FAT4: variants seen among roughly 807,000 people sequenced by gnomAD.
FAT4 encodes protocadherin Fat 4.
FAT4 carries 84 observed loss-of-function variants against 303.9 expected under a neutral mutation model. The observed-to-expected ratio is 0.28, with a 90% CI of 0.23 to 0.33. FAT4 has a LOEUF of 0.33. FAT4 is among the 10% of genes least tolerant of loss of function. The pLI is 1.00. For synonymous variants in FAT4, 2,307 were observed against 2,298.8 expected, an observed-to-expected ratio of 1.00 and a Z score of -0.10; for missense variants, 6,005 against 6,146.8, an observed-to-expected ratio of 0.98 and a Z score of 0.77.
Position 125,415,437 on chromosome 4 carries a change from G to C in FAT4, c.6474G>C (p.Leu2158Phe), listed in dbSNP as rs1405662703. ...ACAACCCCATCTTTGCACAAGCTTT[G>C]TATAAAGTGGAGATTAATGAAAACA... ...NDNNPIFAQA[L>F]YKVEINENTL... Residue 2158 changes from leucine to phenylalanine, a missense_variant, in exon 6 of 18, where the codon TTG (leucine) becomes TTC (phenylalanine). Physicochemically the swap from Leu to Phe is conservative, Grantham distance 22 (BLOSUM62 0). Transcript: ENST00000394329. 1 of 1,613,988 alleles carries C rather than the reference G, an allele frequency of 6.2e-7. No individual in the cohort carries two copies. The highest frequency in any genetic ancestry group is 8.5e-7 in the Non-Finnish European group (1 of 1,180,002).
intron 7 of FAT4, among the ~76,000 whole-genome samples, chr4:125,419,384 A>G (rs952817129): frequency 1.2e-4 from 18 of 152,272 alleles, no homozygotes; most frequent in African/African-American, 4.3e-4. Context: ...ATTCATTAAC[A>G]AGGAGACTCA....
At chr4:125,348,364 A>G (rs1419558085) in intron 2 of FAT4, among the ~76,000 whole-genome samples, 2 of 151,824 alleles carry the variant, frequency 1.3e-5, no homozygotes, top group Admixed American at 6.6e-5. Flanking sequence ...ATGAAGAACA[A>G]TGAAGTTTTT....
Position 125,450,595 on chromosome 4 carries a change from A to T in FAT4, c.9585A>T (p.Val3195=). 2 of 1,614,100 alleles carry T rather than the reference A, an allele frequency of 1.2e-6. No individual in the cohort carries two copies. Among genetic ancestry groups the T allele is most frequent in the Non-Finnish European group, 1.7e-6 (2 of 1,180,006 alleles). ...TTGATGTGAATGATAATTCTCCAGT[A>T]TTCCTCTCTGATGACTATTTCCCTA... is the stretch of plus-strand genomic sequence containing the variant. ...NVIDVNDNSP[V]FLSDDYFPTV... The change falls in exon 10 of 18, where the codon GTA becomes GTT. Residue 3195 remains valine, a synonymous_variant. Transcript: ENST00000394329.
chr4:125,491,551 C>G lies in FAT4; in HGVS notation c.14735C>G (p.Pro4912Arg), dbSNP rs1390638187. 6.2e-7 allele frequency: 1 copy of G among 1,614,186 alleles called. No homozygotes were observed. Among genetic ancestry groups the G allele is most frequent in the Admixed American group, 1.7e-5 (1 of 60,018 alleles). ...GGPVGTQAAA[P>R]GTADNTLPMK... is the part of the protein sequence containing the mutation. ...CCTGTGGGCACCCAGGCAGCAGCACCAGGCACTGCTGACAACACACTGCCC... is the reference window on the plus strand; with the variant it reads ...CCTGTGGGCACCCAGGCAGCAGCACGAGGCACTGCTGACAACACACTGCCC... The change falls in exon 18 of 18, where the codon CCA becomes CGA. Residue 4912 changes from proline to arginine, a missense_variant. Physicochemically the swap from Pro to Arg is moderately radical, Grantham distance 103. Transcript: ENST00000394329.
At chr4:125,485,496 A>G (rs1049780460) in intron 16 of FAT4, among the ~76,000 whole-genome samples, 37 of 152,176 alleles carry the variant, frequency 2.4e-4, no homozygotes, top group African/African-American at 6.8e-4. Flanking sequence ...ACACAGGGTC[A>G]GTATCATCAA....
intron 2 of FAT4, chr4:125,362,852 A>G (rs1732724269): frequency 6.6e-6 from 1 of 152,092 alleles, no homozygotes; most frequent in East Asian, 1.9e-4. Flanking sequence ...ATCTCAACTG[A>G]TTGGTCATGG....
chr4:125,450,628 G>C lies in FAT4; in HGVS notation c.9618G>C (p.Leu3206Phe). 6.2e-7 allele frequency: 1 copy of C among 1,614,018 alleles called. No homozygotes were observed. The highest frequency in any genetic ancestry group is 8.5e-7 in the Non-Finnish European group (1 of 1,179,986). The change falls in exon 10 of 18, where the codon TTG (leucine) becomes TTC (phenylalanine). Residue 3206 changes from leucine to phenylalanine, a missense_variant. Physicochemically the swap from Leu to Phe is conservative, Grantham distance 22 (BLOSUM62 0). Transcript: ENST00000394329. The stretch of plus-strand genomic sequence containing the variant: ...CTGATGACTATTTCCCTACTGTTTT[G>C]GAAAATGCCCCAAGTGGAACAACAG... Reference protein sequence around the residue: ...FLSDDYFPTVLENAPSGTTVI... With the variant: ...FLSDDYFPTVFENAPSGTTVI...
intron 14 of FAT4, 164 bp downstream of exon 14, chr4:125,477,498 A>G (rs1727071436): frequency 2.0e-6 from 1 of 511,976 alleles, no homozygotes; most frequent in Non-Finnish European, 3.3e-6. Flanking sequence ...TTTGGCATAA[A>G]GTATGATATT....
rs1041755780 is a variant in FAT4, at chr4:125,415,480, A to T, written c.6517A>T (p.Ile2173Leu). Residue 2173 changes from isoleucine (I) to leucine (L), a missense_variant, in exon 6 of 18, where the codon ATA becomes TTA. Ile to Leu is a conservative substitution (Grantham distance 5). Coordinates refer to ENST00000394329, the MANE Select transcript of FAT4 (RefSeq NM_001291303.3). ...TGAAAACACACTTACTGGAACAGAT[A>T]TAATACAAGTGTTCGCAGCAGATGG... ...INENTLTGTD[I>L]IQVFAADGDE... 16 of 1,614,020 alleles carry T rather than the reference A, an allele frequency of 9.9e-6. No individual in the cohort carries two copies. Among genetic ancestry groups the T allele is most frequent in the Non-Finnish European group, 1.4e-5 (16 of 1,179,998 alleles).
chr4:125,478,737 AC>A, intron 14 of FAT4, among the ~76,000 whole-genome samples: 2 of 151,890 alleles, frequency 1.3e-5, no homozygotes, highest in Admixed American at 1.3e-4. Flanking sequence ...CACCATGTTG[AC>A]CAGGCTGGTC....
At chr4:125,359,494 C>G (rs1317771023) in intron 2 of FAT4, among the ~76,000 whole-genome samples, 2 of 152,116 alleles carry the variant, frequency 1.3e-5, no homozygotes, top group Non-Finnish European at 2.9e-5. Flanking sequence ...ATTTAATTCG[C>G]TGTGATTTAT....
chr4:125,440,720 C>G (rs984171451), intron 8 of FAT4, among the ~76,000 whole-genome samples: 2 of 151,464 alleles, frequency 1.3e-5, no homozygotes, highest in Non-Finnish European at 2.9e-5. Flanking sequence ...GATTCCACTC[C>G]AAAATTTTGC....
chr4:125,481,447 T>C (rs1727221946), intron 15 of FAT4, 74 bp from the exon 16 acceptor site: 16 of 1,258,188 alleles, frequency 1.3e-5, no homozygotes, highest in South Asian at 1.2e-4. Context: ...TTTTATATTT[T>C]TGTCACTATA....
At chr4:125,436,311 G>T (rs1007717221) in intron 8 of FAT4, among the ~76,000 whole-genome samples, 8 of 152,132 alleles carry the variant, frequency 5.3e-5, no homozygotes, top group Non-Finnish European at 8.8e-5. Flanking sequence ...ACTGAAATGG[G>T]TAGCATTGAA....
chr4:125,401,556 T>C (rs1734389450), intron 3 of FAT4, among the ~76,000 whole-genome samples: 1 of 151,954 alleles, frequency 6.6e-6, no homozygotes, highest in Non-Finnish European at 1.5e-5. Context: ...TTACCTAACA[T>C]ATAAGTGTTA....
chr4:125,354,768 A>AT (rs34968566), intron 2 of FAT4, among the ~76,000 whole-genome samples: 1 of 149,764 alleles, frequency 6.7e-6, no homozygotes, highest in Non-Finnish European at 1.5e-5. Context: ...AAAAAAAAAA[A>AT]CTGGTTAGAA....
Position 125,488,931 on chromosome 4 carries a change from C to T in FAT4, c.13085-970C>T, listed in dbSNP as rs1011006140. 5.3e-5 allele frequency among the ~76,000 whole-genome samples: 8 copies of T among 151,514 alleles called. No individual in the cohort carries two copies. In the South Asian group the frequency reaches 1.5e-3, roughly 28 times the overall value. On this transcript the variant is annotated intron_variant, in intron 17 of 17. Transcript: ENST00000394329. ...GAGGAGAATAAGTCGGAAAAGAAGACTAAGTAATAGGAAGAAAATCAGGAG... is the reference window on the plus strand; with the variant it reads ...GAGGAGAATAAGTCGGAAAAGAAGATTAAGTAATAGGAAGAAAATCAGGAG...
At chr4:125,363,597 G>C (rs903101429) in intron 2 of FAT4, among the ~76,000 whole-genome samples, 9 of 151,902 alleles carry the variant, frequency 5.9e-5, no homozygotes, top group African/African-American at 2.2e-4. Context: ...CTGGGTTCAA[G>C]CGATTCCCCT....
intron 2 of FAT4, among the ~76,000 whole-genome samples, chr4:125,341,495 A>G (rs1021223833): frequency 6.6e-6 from 1 of 152,048 alleles, no homozygotes. Context: ...AGTAATGTCC[A>G]TTTGTAATAA....
Sources: gnomAD v4.1 joint callset for allele counts (sites outside exome capture counted in the v4.1 genomes callset) on GRCh38, gnomAD v4.1.1 for gene constraint, MANE v1.5 for transcripts, NCBI Gene and HGNC (gene_info 2026-07-23, HGNC 2026-07-21) for gene names.